EPS15: variants seen among roughly 807,000 people sequenced by gnomAD.
The protein encoded by EPS15 is epidermal growth factor receptor pathway substrate 15, also known as epidermal growth factor receptor substrate 15.
Under a neutral mutation model 113.8 loss-of-function variants are expected in EPS15, and 72 were observed. The observed-to-expected ratio is 0.63, with a 90% CI of 0.52 to 0.77. EPS15 has a LOEUF of 0.77. Among genes scored for constraint, EPS15 ranks in the 30% least tolerant of loss-of-function variants. The probability of loss-of-function intolerance (pLI) is 0.00; values close to 1 mark genes in which losing one functional copy is unlikely to be tolerated. For synonymous variants in EPS15, 344 were observed against 363.4 expected (o/e 0.95, Z 0.61); for missense variants, 1,048 against 1,045.8 (o/e 1.00, Z -0.03).
At chr1:51,405,026 A>G (rs1354973621) in intron 16 of EPS15, among the ~76,000 whole-genome samples, 1 of 152,224 alleles carries the variant, frequency 6.6e-6, no homozygotes, top group African/African-American at 2.4e-5. Flanking sequence ...TTTCTCTGGC[A>G]GGAATGTATC....
Position 51,356,210 on chromosome 1 carries a change from T to C in EPS15, c.*490A>G. 1 of 215,098 alleles carries C rather than the reference T, an allele frequency of 4.6e-6. No individual in the cohort carries two copies. Among genetic ancestry groups the C allele is most frequent in the Non-Finnish European group, 9.4e-6 (1 of 106,650 alleles). 13.3% of individuals were successfully genotyped at this position (215,098 alleles called of 1,614,324 possible). ...AAATTAAGTAGAGGAAATTTAAAAA[T>C]GCACTTTAGCCAATTTGCACCAATC... On this transcript the variant is annotated 3_prime_UTR_variant, in exon 25 of 25. Transcript: ENST00000371733.
At chr1:51,375,763 G>A (rs1487916061) in intron 21 of EPS15, among the ~76,000 whole-genome samples, 1 of 151,972 alleles carries the variant, frequency 6.6e-6, no homozygotes, top group Non-Finnish European at 1.5e-5. Flanking sequence ...ATGTCAAGTG[G>A]AATTACATTT....
Position 51,448,149 on chromosome 1 carries a change from G to T in EPS15, c.562-14C>A. 1 of 1,560,756 alleles carries T rather than the reference G, an allele frequency of 6.4e-7. No homozygotes were observed. The highest frequency in any genetic ancestry group is 1.4e-5 in the African/African-American group (1 of 73,916). On this transcript the variant is annotated splice_polypyrimidine_tract_variant and intron_variant, in intron 8 of 24. Coordinates refer to ENST00000371733, the MANE Select transcript of EPS15 (RefSeq NM_001981.3). ...CAAAAACATGGCCTTCAAAATAAATGAACCAGGGTCATATATATTAAAAGC... is the reference window on the plus strand; with the variant it reads ...CAAAAACATGGCCTTCAAAATAAATTAACCAGGGTCATATATATTAAAAGC...
intron 1 of EPS15, among the ~76,000 whole-genome samples, chr1:51,488,646 G>A (rs928039635): frequency 1.3e-5 from 2 of 152,088 alleles, no homozygotes; most frequent in Non-Finnish European, 2.9e-5. Flanking sequence ...CTGAAGTGCA[G>A]TGATACAATC....
intron 15 of EPS15, among the ~76,000 whole-genome samples, chr1:51,407,138 T>C (rs1649204842): frequency 6.6e-6 from 1 of 152,178 alleles, no homozygotes; most frequent in Non-Finnish European, 1.5e-5. Flanking sequence ...TGGCTTTAGT[T>C]TGTTCAAATT....
chr1:51,451,634 T>A (rs1653577080), intron 8 of EPS15, among the ~76,000 whole-genome samples: 1 of 151,684 alleles, frequency 6.6e-6, no homozygotes, highest in South Asian at 2.1e-4. Flanking sequence ...TTTTTCACTG[T>A]ATATCTTCTT....
In EPS15 at chr1:51,403,422, T is replaced by C. The variant is rs374840776; in HGVS notation, c.1788A>G (p.Lys596=). The C allele has an allele frequency of 1.3e-6, 2 of 1,563,298 alleles. No individual in the cohort carries two copies. Among genetic ancestry groups the C allele is most frequent in the Non-Finnish European group, 8.8e-7 (1 of 1,139,966 alleles). Residue 596 remains lysine, a synonymous_variant, in exon 17 of 25, where the codon AAA becomes AAG. Transcript: ENST00000371733. ...CSELDNNRHS[K]EEDPFNVDSS... The stretch of plus-strand genomic sequence containing the variant: ...TAAATATAAAATCATTTTTTACCTC[T>C]TTTGAATGTCTATTATTGTCGAGTT...
intron 21 of EPS15, among the ~76,000 whole-genome samples, chr1:51,368,059 A>C (rs1646546713): frequency 6.6e-6 from 1 of 152,006 alleles, no homozygotes; most frequent in African/African-American, 2.4e-5. Flanking sequence ...TTGAACCTGG[A>C]AGGTGGAGGC....
intron 2 of EPS15, among the ~76,000 whole-genome samples, chr1:51,479,267 C>T (rs545552730): frequency 1.2e-4 from 19 of 152,296 alleles, no homozygotes; most frequent in African/African-American, 2.2e-4. Flanking sequence ...CTTGTGCTTG[C>T]GTCACGTAGT....
At chr1:51,418,417 A>G (rs1315800305) in intron 13 of EPS15, among the ~76,000 whole-genome samples, 2 of 152,066 alleles carry the variant, frequency 1.3e-5, no homozygotes. Context: ...TGGCCTTAAG[A>G]TTATTCTTGG....
Position 51,402,497 on chromosome 1 carries a change from G to A in EPS15, c.1820C>T (p.Ser607Leu), listed in dbSNP as rs368190737. Residue 607 changes from serine to leucine, a missense_variant, in exon 18 of 25, where the codon TCG becomes TTG. Physicochemically the swap from Ser to Leu is moderately radical, Grantham distance 145 (BLOSUM62 -2). Coordinates refer to ENST00000371733, the MANE Select transcript of EPS15 (RefSeq NM_001981.3). ...TGTATCTGCAACTGGACCTGTCAGC[G>A]AACTTGAGTCTACATTAAATGGATC... Reference protein sequence around the residue: ...EEDPFNVDSSSLTGPVADTNL... With the variant: ...EEDPFNVDSSLLTGPVADTNL... 25 of 1,580,464 alleles carry A rather than the reference G, an allele frequency of 1.6e-5. No homozygotes were observed. Among genetic ancestry groups the A allele is most frequent in the African/African-American group, 6.8e-5 (5 of 74,018 alleles).
At chr1:51,435,146 A>G (rs1316739721) in intron 12 of EPS15, among the ~76,000 whole-genome samples, 1 of 150,930 alleles carries the variant, frequency 6.6e-6, no homozygotes, top group Non-Finnish European at 1.5e-5. Context: ...TCCTGTGAGG[A>G]TTCAAAAACC....
intron 8 of EPS15, among the ~76,000 whole-genome samples, chr1:51,456,345 A>G (rs1653994194): frequency 6.6e-6 from 1 of 152,220 alleles, no homozygotes; most frequent in African/African-American, 2.4e-5. Context: ...AAAAATAAAC[A>G]CAAAGCAGAC....
intron 12 of EPS15, chr1:51,423,361 C>T: frequency 9.0e-7 from 1 of 1,107,340 alleles, no homozygotes; most frequent in South Asian, 2.1e-5. Flanking sequence ...ATAAATTAAG[C>T]AAATTCAAGA....
chr1:51,473,552 T>C lies in EPS15; in HGVS notation c.76-604A>G, dbSNP rs189767302. Among the ~76,000 whole-genome samples the C allele has an allele frequency of 5.1e-3, 778 of 152,168 alleles. 2 individuals carry two copies. The highest frequency in any genetic ancestry group is 8.2e-3 in the Non-Finnish European group (556 of 68,000). On this transcript the variant is annotated intron_variant, in intron 2 of 24. Transcript: ENST00000371733. The stretch of plus-strand genomic sequence containing the variant: ...ATTTTAACTGACCAGGGACTTTCCT[T>C]TAAGACAGAATGAGGTCACAAGAAC...
intron 12 of EPS15, among the ~76,000 whole-genome samples, chr1:51,432,537 A>C (rs1183749750): frequency 6.6e-6 from 1 of 152,192 alleles, no homozygotes; most frequent in Non-Finnish European, 1.5e-5. Context: ...ATTTATTTTA[A>C]TGTAATATTT....
intron 1 of EPS15, among the ~76,000 whole-genome samples, chr1:51,505,332 T>C (rs1185124781): frequency 6.6e-6 from 1 of 152,112 alleles, no homozygotes; most frequent in Non-Finnish European, 1.5e-5. Flanking sequence ...AACCATACGA[T>C]GGAATATTTT....
intron 5 of EPS15, among the ~76,000 whole-genome samples, chr1:51,466,878 G>C (rs1022135690): frequency 6.6e-6 from 1 of 151,610 alleles, no homozygotes; most frequent in African/African-American, 2.4e-5. Flanking sequence ...AAAAAAATAA[G>C]ACAAATGACA....
intron 14 of EPS15, among the ~76,000 whole-genome samples, chr1:51,409,066 G>C (rs148957505): frequency 1.3e-5 from 2 of 152,082 alleles, no homozygotes; most frequent in Non-Finnish European, 2.9e-5. Flanking sequence ...GATTAAAGGC[G>C]TGAGCCACTG....
Sources: allele counts gnomAD v4.1 joint callset (sites outside exome capture counted in the v4.1 genomes callset), GRCh38; gene constraint gnomAD v4.1.1; transcripts MANE v1.5; gene names NCBI Gene and HGNC (gene_info 2026-07-23, HGNC 2026-07-21).